Variants in EPHA3 observed in about 807,000 individuals in gnomAD.
EPHA3 encodes the protein ephrin type-A receptor 3.
A neutral mutation model predicts 107.1 loss-of-function variants in EPHA3; 42 were observed. The observed-to-expected ratio is 0.39, with a 90% CI of 0.31 to 0.51. The LOEUF (loss-of-function observed/expected upper bound fraction) is 0.51, where lower values mean the gene tolerates loss of function less well. Among genes scored for constraint, EPHA3 ranks in the 20% least tolerant of loss-of-function variants. EPHA3 has a pLI of 0.78. For missense variants in EPHA3, 1,183 were observed against 1,211.2 expected, an observed-to-expected ratio of 0.98 and a Z score of 0.35; for synonymous variants, 461 against 424.8, an observed-to-expected ratio of 1.09 and a Z score of -1.05.
At chr3:89,297,571 A>G (rs1269962835) in intron 3 of EPHA3, among the ~76,000 whole-genome samples, 1 of 152,184 alleles carries the variant, frequency 6.6e-6, no homozygotes, top group Non-Finnish European at 1.5e-5. Flanking sequence ...TATAATAGTA[A>G]TGAAATCATT....
chr3:89,476,445 C>CTTGCTT (rs1710508835), intron 16 of EPHA3, among the ~76,000 whole-genome samples: 1 of 148,040 alleles, frequency 6.8e-6, no homozygotes, highest in South Asian at 2.1e-4. Flanking sequence ...AACATCATAG[C>CTTGCTT]AAGCAGCACT....
chr3:89,382,508 C>CAAA (rs575357952), intron 5 of EPHA3, among the ~76,000 whole-genome samples: 138 of 79,784 alleles, frequency 1.7e-3, no homozygotes, highest in African/African-American at 6.3e-3. Context: ...AATTCCATCT[C>CAAA]AAAAAAAAAA....
At chr3:89,477,974 A>G (rs1028546475) in intron 16 of EPHA3, among the ~76,000 whole-genome samples, 1 of 152,196 alleles carries the variant, frequency 6.6e-6, no homozygotes, top group Non-Finnish European at 1.5e-5. Context: ...AAGAAAACAG[A>G]AAGTGCAGAT....
chr3:89,400,653 G>C (rs1194167951), intron 7 of EPHA3, among the ~76,000 whole-genome samples: 1 of 151,948 alleles, frequency 6.6e-6, no homozygotes, highest in Non-Finnish European at 1.5e-5. Context: ...GTGTGTGTGT[G>C]TGTGTGTTTA....
intron 3 of EPHA3, among the ~76,000 whole-genome samples, chr3:89,230,824 T>TCACACACACACACACACA (rs61566796): frequency 7.2e-6 from 1 of 139,574 alleles, no homozygotes; most frequent in Non-Finnish European, 1.6e-5. Flanking sequence ...TCTCTCTCTC[T>TCACACACACACACACACA]CACACACACA....
intron 16 of EPHA3, among the ~76,000 whole-genome samples, chr3:89,478,942 C>A (rs536663006): frequency 8.5e-5 from 13 of 152,256 alleles, no homozygotes; most frequent in African/African-American, 2.9e-4. Flanking sequence ...AATTCTTCCT[C>A]GTCTCTTCTA....
At chr3:89,272,609 G>A (rs115026234) in intron 3 of EPHA3, among the ~76,000 whole-genome samples, 196 of 151,998 alleles carry the variant, frequency 1.3e-3, no homozygotes, top group African/African-American at 4.6e-3. Context: ...AAGTAGAATC[G>A]TATTTCTCAT....
chr3:89,111,199 T>C (rs796469209), intron 1 of EPHA3, among the ~76,000 whole-genome samples: 1 of 152,072 alleles, frequency 6.6e-6, no homozygotes, highest in Non-Finnish European at 1.5e-5. Flanking sequence ...AACTTGCATA[T>C]GAATATTATA....
At chr3:89,425,497 A>G (rs2107531546) in intron 11 of EPHA3, among the ~76,000 whole-genome samples, 1 of 150,088 alleles carries the variant, frequency 6.7e-6, no homozygotes, top group African/African-American at 2.4e-5. Context: ...CCCTCATTAG[A>G]GTGTGTTTAA....
intron 5 of EPHA3, among the ~76,000 whole-genome samples, chr3:89,370,157 G>A (rs370130271): frequency 6.6e-6 from 1 of 150,744 alleles, no homozygotes; most frequent in Non-Finnish European, 1.5e-5. Flanking sequence ...CCATTACTGG[G>A]TATATACCCA....
chr3:89,356,223 T>C (rs112240763), intron 5 of EPHA3, among the ~76,000 whole-genome samples: 2,522 of 150,728 alleles, frequency 0.017, 77 homozygotes, highest in African/African-American at 0.055. Flanking sequence ...TTTCTTAATC[T>C]AGTCTATCAT....
At chr3:89,263,554 A>C (rs999423096) in intron 3 of EPHA3, among the ~76,000 whole-genome samples, 2 of 152,054 alleles carry the variant, frequency 1.3e-5, no homozygotes, top group Admixed American at 1.3e-4. Flanking sequence ...CAGGTAGGTA[A>C]TCTTCCCCTG....
At chr3:89,147,009 G>GA (rs1355968983) in intron 2 of EPHA3, among the ~76,000 whole-genome samples, 1 of 151,730 alleles carries the variant, frequency 6.6e-6, no homozygotes, top group South Asian at 2.1e-4. Context: ...TGCAGCCATA[G>GA]AAAAAATGAG....
Position 89,293,489 on chromosome 3 carries a change from C to G in EPHA3, c.815-47427C>G, listed in dbSNP as rs1364923461. 2.0e-5 allele frequency among the ~76,000 whole-genome samples: 3 copies of G among 152,096 alleles called. 1 individual carries two copies. Among genetic ancestry groups the G allele is most frequent in the East Asian group, 1.9e-4 (1 of 5,182 alleles). ...GTTTAGACTTTGTGCTCCATACACC[C>G]TCTGTGATATAGTTTGTATCTGTGT... On this transcript the variant is annotated intron_variant, in intron 3 of 16. Coordinates refer to ENST00000336596, the MANE Select transcript of EPHA3 (RefSeq NM_005233.6).
intron 13 of EPHA3, among the ~76,000 whole-genome samples, chr3:89,438,148 G>T (rs911974358): frequency 6.6e-6 from 1 of 151,172 alleles, no homozygotes; most frequent in Non-Finnish European, 1.5e-5. Context: ...TCACTCTGTC[G>T]CCCAGGCTGG....
intron 3 of EPHA3, among the ~76,000 whole-genome samples, chr3:89,281,499 G>C (rs1705947469): frequency 6.6e-6 from 1 of 152,024 alleles, no homozygotes; most frequent in Non-Finnish European, 1.5e-5. Flanking sequence ...TTGATACTGT[G>C]CCCTAAAATA....
At chr3:89,180,251 C>G (rs554996180) in intron 2 of EPHA3, among the ~76,000 whole-genome samples, 4 of 151,674 alleles carry the variant, frequency 2.6e-5, no homozygotes, top group Non-Finnish European at 4.4e-5. Context: ...TTAAATAGAC[C>G]AGGCTTGAAT....
intron 1 of EPHA3, among the ~76,000 whole-genome samples, chr3:89,111,642 T>C (rs1707113219): frequency 6.6e-6 from 1 of 152,046 alleles, no homozygotes; most frequent in Non-Finnish European, 1.5e-5. Flanking sequence ...AGCAAATTTG[T>C]TTAAGCTTTT....
At chr3:89,210,759 T>C (rs1292989607) in intron 3 of EPHA3, among the ~76,000 whole-genome samples, 1 of 152,146 alleles carries the variant, frequency 6.6e-6, no homozygotes, top group Non-Finnish European at 1.5e-5. Flanking sequence ...ATAGGTGTTA[T>C]ACATGCTATA....
Sources: gnomAD v4.1 joint callset for allele counts (sites outside exome capture counted in the v4.1 genomes callset) on GRCh38, gnomAD v4.1.1 for gene constraint, MANE v1.5 for transcripts, NCBI Gene and HGNC (gene_info 2026-07-23, HGNC 2026-07-21) for gene names.